The following CACNA1C variants were observed in gnomAD, a reference collection of about 807,000 sequenced individuals.
CACNA1C encodes the protein calcium voltage-gated channel subunit alpha1 C, also known as voltage-dependent L-type calcium channel subunit alpha-1C.
In CACNA1C, 30 loss-of-function variants were observed where a neutral mutation model predicts 229.0. The observed-to-expected ratio is 0.13, with a 90% CI of 0.10 to 0.18. The LOEUF is 0.18. Among genes scored for constraint, CACNA1C ranks in the 10% least tolerant of loss-of-function variants. The probability of loss-of-function intolerance (pLI) is 1.00; values close to 1 mark genes in which losing one functional copy is unlikely to be tolerated. For synonymous variants in CACNA1C, 1,114 were observed against 1,132.5 expected (o/e 0.98, Z 0.33); for missense variants, 1,658 against 2,845.0 (o/e 0.58, Z 9.49).
In CACNA1C at chr12:2,592,165, G is replaced by A. The variant is rs150058131; in HGVS notation, c.2531-1048G>A. On this transcript the variant is annotated intron_variant, in intron 18 of 46. Transcript: ENST00000399655. ...ATAGTTTCGTGTGAGTGGACAGTTT[G>A]TTAGGGAATAATAGGTGGTAAGGAT... is the stretch of plus-strand genomic sequence containing the variant. Among the ~76,000 whole-genome samples the A allele has an allele frequency of 1.2e-4, 18 of 152,334 alleles. 1 individual carries two copies. The East Asian group carries it at 3.3e-3, about 28-fold the overall frequency.
chr12:2,029,947 C>T lies in CACNA1C; in HGVS notation c.139+58746C>T, dbSNP rs1194957564. Among the ~76,000 whole-genome samples the T allele has an allele frequency of 6.6e-6, 1 of 152,174 alleles. No individual in the cohort carries two copies. On this transcript the variant is annotated intron_variant, in intron 1 of 46. Coordinates refer to the CACNA1C transcript ENST00000682462. This position sits in a 1 kb window ranked among gnomAD's most constrained non-coding sequence, Gnocchi z 4.9. Reference sequence around the variant, plus strand: ...CTTCAAGGGCTGGGCGATTTGGCCCCACCATGATACCTGGGTGTTGCACAG... The same window carrying T: ...CTTCAAGGGCTGGGCGATTTGGCCCTACCATGATACCTGGGTGTTGCACAG...
In CACNA1C at chr12:2,565,475, GAAAAAAAAA is replaced by G. The variant is rs4016834; in HGVS notation, c.1509-934_1509-926del. Among the ~76,000 whole-genome samples, 199 of 117,714 alleles carry G rather than the reference GAAAAAAAAA, an allele frequency of 1.7e-3. 3 individuals are homozygous for G. The highest frequency in any genetic ancestry group is 6.0e-3 in the African/African-American group (189 of 31,666). The allele number at this position is 117,714 out of a possible 152,430, so 77.2% of individuals were successfully genotyped here. ...GGCGACAGAGCGAGACTCCGTCTCAGAAAAAAAAAAAAAAAAAAAAATACCCAACCCCTA... is the reference window on the plus strand; with the variant it reads ...GGCGACAGAGCGAGACTCCGTCTCAGAAAAAAAAAAAATACCCAACCCCTA... On this transcript the variant is annotated intron_variant, in intron 11 of 46. Transcript: ENST00000399655.
At chr12:2,637,084 G>A (rs543858285) in intron 30 of CACNA1C, among the ~76,000 whole-genome samples, 2 of 152,236 alleles carry the variant, frequency 1.3e-5, no homozygotes, top group South Asian at 4.1e-4. Flanking sequence ...AAGGCAGGAA[G>A]GCGGTTTGGG....
chr12:2,023,514 G>T (rs1024149385), intron 1 of CACNA1C, among the ~76,000 whole-genome samples: 2 of 152,128 alleles, frequency 1.3e-5, no homozygotes, highest in African/African-American at 4.8e-5. Flanking sequence ...TCCACCTGCC[G>T]AGTGAGAACT....
In CACNA1C at chr12:2,651,595, C is replaced by G. The variant is rs201551454; in HGVS notation, c.3946-45C>G. 105 of 1,613,858 alleles carry G rather than the reference C, an allele frequency of 6.5e-5. No individual in the cohort carries two copies. In the East Asian group the frequency reaches 1.2e-3, roughly 19 times the overall value. ...GGAGGGGCCCTCCTGTTCTCACCCC[C>G]CTCTTGCTGTGCTAACTGCACCTCC... is the stretch of plus-strand genomic sequence containing the variant. On this transcript the variant is annotated intron_variant, in intron 31 of 46. Transcript: ENST00000399655. This position sits in a 1 kb window ranked among gnomAD's most constrained non-coding sequence, Gnocchi z 5.4.
Position 2,605,934 on chromosome 12 carries a change from T to G in CACNA1C, c.3156+148T>G, listed in dbSNP as rs1383188310. 1.6e-6 allele frequency: 1 copy of G among 635,726 alleles called. No individual in the cohort carries two copies. The highest frequency in any genetic ancestry group is 2.9e-6 in the Non-Finnish European group (1 of 348,970). The allele number at this position is 635,726 out of a possible 1,614,324, so 39.4% of individuals were successfully genotyped here. Reference sequence around the variant, plus strand: ...CCTCCACCTGCAGCCCGACTCAACCTTCAGACCAGGGTAGGGAGGCGCTAG... The same window carrying G: ...CCTCCACCTGCAGCCCGACTCAACCGTCAGACCAGGGTAGGGAGGCGCTAG... On this transcript the variant is annotated intron_variant, in intron 24 of 46. Transcript: ENST00000399655. This position sits in a 1 kb window ranked among gnomAD's most constrained non-coding sequence, Gnocchi z 6.2.
intron 3 of CACNA1C, among the ~76,000 whole-genome samples, chr12:2,400,926 C>T (rs2098668252): frequency 6.6e-6 from 1 of 152,176 alleles, no homozygotes; most frequent in Non-Finnish European, 1.5e-5. Flanking sequence ...CTCCTGCCCT[C>T]CCCATGCCAG....
chr12:2,635,637 T>C (rs1345351263), intron 30 of CACNA1C, among the ~76,000 whole-genome samples: 5 of 152,202 alleles, frequency 3.3e-5, no homozygotes, highest in Non-Finnish European at 1.5e-5. Context: ...GAGACCCCTG[T>C]CTGCTCCTCT....
intron 3 of CACNA1C, among the ~76,000 whole-genome samples, chr12:2,411,169 G>C (rs939192886): frequency 6.6e-6 from 1 of 152,100 alleles, no homozygotes; most frequent in African/African-American, 2.4e-5. Context: ...TGAGCCCTGT[G>C]GGGTATCAGG....
chr12:2,273,396 A>AG (rs1490869432), intron 3 of CACNA1C, among the ~76,000 whole-genome samples: 1 of 152,142 alleles, frequency 6.6e-6, no homozygotes, highest in Non-Finnish European at 1.5e-5. Context: ...CTGTATCAAC[A>AG]GCTCAAAGTG....
In CACNA1C at chr12:2,348,733, C is replaced by T. The variant is rs934993318; in HGVS notation, c.478-100243C>T. Among the ~76,000 whole-genome samples the T allele has an allele frequency of 3.9e-5, 6 of 152,058 alleles. No individual in the cohort carries two copies. Among genetic ancestry groups the T allele is most frequent in the South Asian group, 2.1e-4 (1 of 4,802 alleles). On this transcript the variant is annotated intron_variant, in intron 3 of 46. Coordinates refer to ENST00000399655, the MANE Select transcript of CACNA1C (RefSeq NM_000719.7). This position sits in a 1 kb window ranked among gnomAD's most constrained non-coding sequence, Gnocchi z 4.7. ...CCTGGAGAAGGAGCTGGGAATGTCT[C>T]GGGGGAAAGGTTCCTTCCTCGGGAA...
chr12:2,571,818 G>A (rs149603200), intron 13 of CACNA1C, among the ~76,000 whole-genome samples: 203 of 152,300 alleles, frequency 1.3e-3, no homozygotes, highest in African/African-American at 4.1e-3. Flanking sequence ...CCATAAGTCC[G>A]TCTCCAGCGC....
Position 2,067,228 on chromosome 12 carries a change from G to A in CACNA1C, c.49+13617G>A, listed in dbSNP as rs978449007. Among the ~76,000 whole-genome samples, 1 of 152,086 alleles carries A rather than the reference G, an allele frequency of 6.6e-6. No individual in the cohort carries two copies. Among genetic ancestry groups the A allele is most frequent in the African/African-American group, 2.4e-5 (1 of 41,408 alleles). The stretch of plus-strand genomic sequence containing the variant: ...TGGGATGCAGGAGCCAGGATGCATC[G>A]TTTTAGTGGGAGTCAGGGAGTCTGA... On this transcript the variant is annotated intron_variant, in intron 1 of 46. Coordinates refer to ENST00000399655, the MANE Select transcript of CACNA1C (RefSeq NM_000719.7). The surrounding 1 kb of genome is among the most constrained non-coding windows in gnomAD (Gnocchi z 5.3).
At chr12:2,069,964 C>T (rs1376494746) in intron 1 of CACNA1C, among the ~76,000 whole-genome samples, 1 of 152,164 alleles carries the variant, frequency 6.6e-6, no homozygotes, top group Non-Finnish European at 1.5e-5. Context: ...GCCACCATGC[C>T]TGGATACATT....
chr12:2,043,815 C>T (rs1371171826), intron 1 of CACNA1C, among the ~76,000 whole-genome samples: 8 of 136,062 alleles, frequency 5.9e-5, no homozygotes, highest in Admixed American at 4.2e-4. Context: ...GCCATTGCGC[C>T]CGGCTAATTT....
At chr12:1,996,958 T>C (rs61908043) in intron 1 of CACNA1C, among the ~76,000 whole-genome samples, 3,477 of 152,330 alleles carry the variant, frequency 0.023, 43 homozygotes, top group Middle Eastern at 0.061. Flanking sequence ...GGTCTTTTAA[T>C]TTCATCTTTG....
chr12:1,983,854 C>A (rs1363596236), intron 1 of CACNA1C, among the ~76,000 whole-genome samples: 5 of 151,192 alleles, frequency 3.3e-5, no homozygotes, highest in Admixed American at 6.6e-5. Flanking sequence ...AAAAAAAAAA[C>A]AAAAACTTCT....
chr12:2,104,250 T>G (rs1012773332), intron 1 of CACNA1C, among the ~76,000 whole-genome samples: 5 of 152,238 alleles, frequency 3.3e-5, no homozygotes, highest in African/African-American at 1.2e-4. Context: ...CTTATTTCCT[T>G]GAACAGTGGT....
Position 2,488,115 on chromosome 12 carries a change from G to T in CACNA1C, c.916+1853G>T, listed in dbSNP as rs535051414. Among the ~76,000 whole-genome samples the T allele has an allele frequency of 6.6e-6, 1 of 152,218 alleles. No individual in the cohort carries two copies. The highest frequency in any genetic ancestry group is 2.4e-5 in the African/African-American group (1 of 41,468). ...AGAATTCAGCCATCGAGCCAAAGATGGCGGCCCTGCTGTGCAATCAGAGGT... is the reference window on the plus strand; with the variant it reads ...AGAATTCAGCCATCGAGCCAAAGATTGCGGCCCTGCTGTGCAATCAGAGGT... On this transcript the variant is annotated intron_variant, in intron 6 of 46. Transcript: ENST00000399655. This position sits in a 1 kb window ranked among gnomAD's most constrained non-coding sequence, Gnocchi z 4.0.
Sources: allele counts gnomAD v4.1 joint callset (sites outside exome capture counted in the v4.1 genomes callset), GRCh38; gene constraint gnomAD v4.1.1; non-coding constraint Gnocchi (gnomAD v3.1); transcripts MANE v1.5; gene names NCBI Gene and HGNC (gene_info 2026-07-23, HGNC 2026-07-21).